The following STX8 variants were observed in gnomAD, a reference collection of about 807,000 sequenced individuals.
The protein encoded by STX8 is syntaxin 8.
Under a neutral mutation model 37.5 loss-of-function variants are expected in STX8, and 23 were observed. The ratio of observed to expected loss-of-function variants is 0.61; its 90% CI spans 0.44 to 0.87. STX8 has a LOEUF of 0.87. Ranked by LOEUF, STX8 falls within the 40% of genes least tolerant of loss-of-function variation. The pLI is 0.00. For missense variants in STX8, 313 were observed against 284.7 expected, an observed-to-expected ratio of 1.10 and a Z score of -0.71; for synonymous variants, 115 against 99.1, an observed-to-expected ratio of 1.16 and a Z score of -0.95.
At chr17:9,545,603 C>CA (rs1469256124) in intron 3 of STX8, among the ~76,000 whole-genome samples, 1 of 152,150 alleles carries the variant, frequency 6.6e-6, no homozygotes, top group African/African-American at 2.4e-5. Flanking sequence ...ATTTTTGAGA[C>CA]AGAGTCTCGC....
At chr17:9,565,191 G>C (rs1172183507) in intron 2 of STX8, among the ~76,000 whole-genome samples, 1 of 152,110 alleles carries the variant, frequency 6.6e-6, no homozygotes, top group East Asian at 1.9e-4. Context: ...ATGGGCGACA[G>C]AGCAAGACTC....
In STX8 at chr17:9,485,647, G is replaced by A. The variant is rs147747193; in HGVS notation, c.541+6182C>T. On this transcript the variant is annotated intron_variant, in intron 6 of 7. Transcript: ENST00000306357. ...GTCACCCAGGCTGGAGTGCAGTGGC[G>A]TGATCTCAGCTCACTGCAACCTCCA... Among the ~76,000 whole-genome samples, 859 of 150,836 alleles carry A rather than the reference G, an allele frequency of 5.7e-3. 5 individuals are homozygous for A. Among genetic ancestry groups the A allele is most frequent in the Middle Eastern group, 0.037 (11 of 294 alleles).
Position 9,281,979 on chromosome 17 carries a change from C to T in STX8, c.644-31334G>A, listed in dbSNP as rs1196915253. On this transcript the variant is annotated intron_variant, in intron 7 of 7. Coordinates refer to ENST00000306357, the MANE Select transcript of STX8 (RefSeq NM_004853.3). The stretch of plus-strand genomic sequence containing the variant: ...GCATCGACAGCTGCTGGAGGCCTCT[C>T]CACCAGGGCCCTCCTGGGGCCTTCT... Among the ~76,000 whole-genome samples the T allele has an allele frequency of 2.6e-5, 4 of 152,216 alleles. No homozygotes were observed. The East Asian group carries it at 7.7e-4, about 29-fold the overall frequency.
At chr17:9,531,897 A>C (rs1905833887) in intron 4 of STX8, among the ~76,000 whole-genome samples, 1 of 152,082 alleles carries the variant, frequency 6.6e-6, no homozygotes, top group Non-Finnish European at 1.5e-5. Context: ...TAGCTTTTAA[A>C]ACCTTCTGAG....
chr17:9,366,872 G>A (rs562627552), intron 7 of STX8, among the ~76,000 whole-genome samples: 8 of 152,222 alleles, frequency 5.3e-5, no homozygotes, highest in Non-Finnish European at 7.4e-5. Context: ...CTGATGTGGC[G>A]GGATAAATCT....
intron 7 of STX8, among the ~76,000 whole-genome samples, chr17:9,330,550 T>G (rs1274589876): frequency 3.3e-5 from 5 of 152,226 alleles, no homozygotes; most frequent in African/African-American, 1.2e-4. Flanking sequence ...CCCCTACCAC[T>G]TTTTTGTTGA....
At chr17:9,559,734 T>TTATATATATATA (rs1009971082) in intron 2 of STX8, among the ~76,000 whole-genome samples, 11 of 48,748 alleles carry the variant, frequency 2.3e-4, no homozygotes, top group African/African-American at 7.8e-4. Flanking sequence ...TATTATTATT[T>TTATATATATATA]TATATATATA....
chr17:9,310,457 TG>T lies in STX8; in HGVS notation c.644-59813del, dbSNP rs1443473239. Among the ~76,000 whole-genome samples, 8 of 152,196 alleles carry T rather than the reference TG, an allele frequency of 5.3e-5. 1 individual carries two copies. Reference sequence around the variant, plus strand: ...TTCACTACCTGGAGGAATTCAGTCTTGCCCCCACCTGTCTGCTTAAAGTGAA... The same window carrying T: ...TTCACTACCTGGAGGAATTCAGTCTTCCCCCACCTGTCTGCTTAAAGTGAA... On this transcript the variant is annotated intron_variant, in intron 7 of 7. Coordinates refer to ENST00000306357, the MANE Select transcript of STX8 (RefSeq NM_004853.3).
At chr17:9,339,121 C>A (rs912266238) in intron 7 of STX8, among the ~76,000 whole-genome samples, 1 of 150,454 alleles carries the variant, frequency 6.6e-6, no homozygotes, top group African/African-American at 2.5e-5. Flanking sequence ...ATATGAAAGC[C>A]AGAGAATCAC....
At chr17:9,508,842 G>C (rs781023370) in intron 4 of STX8, among the ~76,000 whole-genome samples, 4 of 152,198 alleles carry the variant, frequency 2.6e-5, no homozygotes, top group Non-Finnish European at 4.4e-5. Flanking sequence ...AGTCTTGGGA[G>C]CTTCCAGATC....
intron 7 of STX8, among the ~76,000 whole-genome samples, chr17:9,307,626 G>A (rs528179398): frequency 1.6e-4 from 25 of 152,092 alleles, no homozygotes; most frequent in Non-Finnish European, 3.5e-4. Flanking sequence ...AAGCGGGGTG[G>A]AATTAACAGT....
intron 6 of STX8, among the ~76,000 whole-genome samples, chr17:9,414,307 C>T (rs1313959123): frequency 5.9e-5 from 9 of 151,500 alleles, no homozygotes; most frequent in African/African-American, 2.2e-4. Flanking sequence ...CTCAAACTCT[C>T]TGTGGTGCAG....
chr17:9,523,018 A>G (rs1341006949), intron 4 of STX8, among the ~76,000 whole-genome samples: 1 of 152,098 alleles, frequency 6.6e-6, no homozygotes, highest in Non-Finnish European at 1.5e-5. Flanking sequence ...ATGTATCAAA[A>G]TATCACACTG....
chr17:9,530,134 C>A (rs920831524), intron 4 of STX8, among the ~76,000 whole-genome samples: 46 of 151,914 alleles, frequency 3.0e-4, no homozygotes, highest in African/African-American at 1.1e-3. Context: ...AGTGAAACCC[C>A]GTTTCTACTA....
At chr17:9,499,677 C>G (rs34030927) in intron 5 of STX8, among the ~76,000 whole-genome samples, 1 of 152,118 alleles carries the variant, frequency 6.6e-6, no homozygotes, top group African/African-American at 2.4e-5. Context: ...GGATTACCGG[C>G]GTGAGCCACC....
chr17:9,354,736 CA>C (rs1157708033), intron 7 of STX8, among the ~76,000 whole-genome samples: 8 of 152,170 alleles, frequency 5.3e-5, no homozygotes, highest in Non-Finnish European at 1.2e-4. Context: ...TACTAAATCT[CA>C]TAACCTTCAG....
chr17:9,372,969 TG>T (rs1436426442), intron 7 of STX8, among the ~76,000 whole-genome samples: 15 of 150,824 alleles, frequency 9.9e-5, no homozygotes, highest in Middle Eastern at 3.4e-3. Context: ...CCCAGCGTGG[TG>T]GTGCATGCCT....
At chr17:9,460,918 G>T (rs1480548237) in intron 6 of STX8, among the ~76,000 whole-genome samples, 1 of 150,740 alleles carries the variant, frequency 6.6e-6, no homozygotes, top group East Asian at 2.0e-4. Context: ...ACTTCATAAG[G>T]TGGTTGGGAA....
At chr17:9,495,238 A>G (rs1284453236) in intron 5 of STX8, among the ~76,000 whole-genome samples, 1 of 152,182 alleles carries the variant, frequency 6.6e-6, no homozygotes, top group East Asian at 1.9e-4. Flanking sequence ...CACAAGGACC[A>G]TTTTATAGTA....
Sources: gnomAD v4.1 joint callset for allele counts (sites outside exome capture counted in the v4.1 genomes callset) on GRCh38, gnomAD v4.1.1 for gene constraint, MANE v1.5 for transcripts, NCBI Gene and HGNC (gene_info 2026-07-23, HGNC 2026-07-21) for gene names.